EIF5: variants seen among roughly 807,000 people sequenced by gnomAD.
EIF5 encodes the protein eukaryotic translation initiation factor 5.
A neutral mutation model predicts 48.3 loss-of-function variants in EIF5; 10 were observed. The ratio of observed to expected loss-of-function variants is 0.21; its 90% confidence interval spans 0.13 to 0.35. The LOEUF (loss-of-function observed/expected upper bound fraction) is 0.35. EIF5 is among the 10% of genes least tolerant of loss of function. The pLI is 1.00. For missense variants in EIF5, 397 were observed against 533.2 expected, an observed-to-expected ratio of 0.74 and a Z score of 2.51; for synonymous variants, 237 against 173.1, an observed-to-expected ratio of 1.37 and a Z score of -2.90.
Position 103,341,012 on chromosome 14 carries a change from C to CA in EIF5, c.1257dup (p.Asp420ArgfsTer5). On this transcript the variant is annotated frameshift_variant, in exon 12 of 12. Coordinates refer to ENST00000216554, the MANE Select transcript of EIF5 (RefSeq NM_001969.5). LOFTEE classifies it high-confidence loss of function. ...GTACCGAAAGTTGAGACTGTAAAGTCAGACAACAAGGATGACGACATCGAT... is the reference window on the plus strand; with the variant it reads ...GTACCGAAAGTTGAGACTGTAAAGTCAAGACAACAAGGATGACGACATCGAT... 1 of 1,614,138 alleles carries CA rather than the reference C, an allele frequency of 6.2e-7. No individual in the cohort carries two copies.
At chr14:103,339,409 G>A (rs2089327077) in intron 9 of EIF5, 76 bp downstream of exon 9, 2 of 1,523,320 alleles carry the variant, frequency 1.3e-6, no homozygotes, top group Non-Finnish European at 1.8e-6. Context: ...AACCACTTTT[G>A]CTTGTCCTGT....
chr14:103,338,260 G>A (rs1361446750), intron 6 of EIF5, 67 bp from the exon 7 acceptor site: 22 of 1,573,226 alleles, frequency 1.4e-5, no homozygotes, highest in South Asian at 3.6e-5. Context: ...GGTTTTAAAC[G>A]TTAATGATGG....
intron 7 of EIF5, 34 bp from the exon 8 acceptor site, chr14:103,338,691 TGTTTTTAAGG>T (rs751664078): frequency 6.3e-7 from 1 of 1,588,216 alleles, no homozygotes; most frequent in Non-Finnish European, 8.6e-7. Flanking sequence ...TTTTTGTTGT[TGTTTTTAAGG>T]CCTTTGATCA....
rs1424164815 is a variant in EIF5 at position 103,334,503 on chromosome 14, C to CCGA, written c.-302_-301insGAC. The CCGA allele has an allele frequency of 1.4e-5, 2 of 144,106 alleles. No individual in the cohort carries two copies. The highest frequency in any genetic ancestry group is 5.1e-5 in the African/African-American group (2 of 39,212). The allele number at this position is 144,106 out of a possible 1,614,324, so 8.9% of individuals were successfully genotyped here. A position where few individuals can be genotyped will look rare whatever the true frequency, so the allele number is the denominator to read the frequency against. On this transcript the variant is annotated 5_prime_UTR_variant, in exon 2 of 12. Coordinates refer to ENST00000216554, the MANE Select transcript of EIF5 (RefSeq NM_001969.5). ...CGCTCCTCGCTGCGCTTCGCCTCCG[C>CCGA]CTCCTCGGACTCGGACTCGGGTTTA...
chr14:103,340,148 G>A (rs2089336190), intron 10 of EIF5, among the ~76,000 whole-genome samples: 1 of 152,184 alleles, frequency 6.6e-6, no homozygotes, highest in Admixed American at 6.5e-5. Context: ...CCTGCGCCCA[G>A]CCGTTCACAA....
intron 4 of EIF5, chr14:103,336,392 C>T (rs1353785418): frequency 3.5e-6 from 2 of 564,242 alleles, no homozygotes; most frequent in East Asian, 6.1e-5. Flanking sequence ...ACCAGCCTAG[C>T]CAACATAGTG....
intron 4 of EIF5, 41 bp from the exon 5 acceptor site, chr14:103,336,636 A>C (rs1221383580): frequency 3.9e-6 from 6 of 1,557,146 alleles, no homozygotes; most frequent in Non-Finnish European, 5.2e-6. Flanking sequence ...CCAGAGATCT[A>C]GTTAACTGTA....
At position 103,335,844 on chromosome 14, in the gene EIF5, G is replaced by A. The variant is rs1191314563; in HGVS notation, c.-17G>A. On this transcript the variant is annotated 5_prime_UTR_variant, in exon 3 of 12. Coordinates refer to ENST00000216554, the MANE Select transcript of EIF5 (RefSeq NM_001969.5). ...AAGATCTCTTCATCTTATTGATAAA[G>A]CCACTAATAAGCCAAAATGTCTGTC... 3.7e-6 allele frequency: 6 copies of A among 1,611,930 alleles called. No homozygotes were observed. Among genetic ancestry groups the A allele is most frequent in the Admixed American group, 3.3e-5 (2 of 59,894 alleles).
In EIF5 at chr14:103,341,121, A is replaced by G. The variant is rs1193656202; in HGVS notation, c.*69A>G. On this transcript the variant is annotated 3_prime_UTR_variant, in exon 12 of 12. Transcript: ENST00000216554. ...TTCCTCCATTATCAGCCAGAAGTGC[A>G]ACATGTATGTGCAAAAGCTAAAATG... The G allele has an allele frequency of 2.1e-6, 3 of 1,427,538 alleles. No homozygotes were observed. The highest frequency in any genetic ancestry group is 3.0e-6 in the Non-Finnish European group (3 of 1,013,182). 88.4% of individuals were successfully genotyped at this position (1,427,538 alleles called of 1,614,324 possible). A position where few individuals can be genotyped will look rare whatever the true frequency, so the allele number is the denominator to read the frequency against.
rs968918047 is a variant in EIF5 at position 103,337,098 on chromosome 14, T to G, written c.328-18T>G. 13 of 1,598,826 alleles carry G rather than the reference T, an allele frequency of 8.1e-6. No homozygotes were observed. Among genetic ancestry groups the G allele is most frequent in the Non-Finnish European group, 1.1e-5 (13 of 1,171,022 alleles). On this transcript the variant is annotated intron_variant, in intron 5 of 11. Transcript: ENST00000216554. The stretch of plus-strand genomic sequence containing the variant: ...TTTCATGTTATATTATGGATAACAT[T>G]TGTTATTTTTTTGGCAGCATGTCAA...
Position 103,340,562 on chromosome 14 carries a change from G to A in EIF5, c.1206+1G>A. 6.2e-7 allele frequency: 1 copy of A among 1,609,324 alleles called. No homozygotes were observed. On this transcript the variant is annotated splice_donor_variant, in intron 11 of 11. Transcript: ENST00000216554. LOFTEE classifies it high-confidence loss of function. ...AGAAGATGAAGATGAGAACATTGAG[G>A]TAAACATTGGGGGAGGAGGGTATTG...
intron 3 of EIF5, 24 bp downstream of exon 3, chr14:103,335,956 G>A (rs772130582): frequency 8.7e-6 from 14 of 1,614,066 alleles, no homozygotes; most frequent in Non-Finnish European, 1.2e-5. Flanking sequence ...CTTCAATTTA[G>A]TTGATAGCTC....
At position 103,337,722 on chromosome 14, in the gene EIF5, A is replaced by G. The variant is rs574132129; in HGVS notation, c.439+495A>G. ...AATAGGCTGCCAATTAAACTGTGCC[A>G]TATCAATTAAGACATTATCTGAGGG... On this transcript the variant is annotated intron_variant, in intron 6 of 11. Coordinates refer to ENST00000216554, the MANE Select transcript of EIF5 (RefSeq NM_001969.5). 8.7e-5 allele frequency: 36 copies of G among 413,852 alleles called. 1 individual carries two copies. The East Asian group carries it at 1.0e-3, about 12-fold the overall frequency. The allele number at this position is 413,852 out of a possible 1,614,324, so 25.6% of individuals were successfully genotyped here.
At chr14:103,338,680 C>G in intron 7 of EIF5, 55 bp from the exon 8 acceptor site, 2 of 1,580,936 alleles carry the variant, frequency 1.3e-6, no homozygotes, top group East Asian at 2.2e-5. Flanking sequence ...AAATCTGAAC[C>G]TTTTTGTTGT....
At position 103,340,429 on chromosome 14, in the gene EIF5, C is replaced by T. The variant is rs539987177; in HGVS notation, c.1074C>T (p.Ala358=). 9 of 1,598,362 alleles carry T rather than the reference C, an allele frequency of 5.6e-6. No homozygotes were observed. The African/African-American group carries it at 9.4e-5, about 17-fold the overall frequency. The change falls in exon 11 of 12, where the codon GCC becomes GCT. Residue 358 remains alanine (A), a splice_region_variant and synonymous_variant. Transcript: ENST00000216554. ...AGACTTGTACTCACATTTTTTAGGCCTCTAAGAAATATGTCTCCAAAGAAC... is the reference window on the plus strand; with the variant it reads ...AGACTTGTACTCACATTTTTTAGGCTTCTAAGAAATATGTCTCCAAAGAAC... ...EEVIISWSEK[A]SKKYVSKELA...
At chr14:103,338,108 C>G in intron 6 of EIF5, 2 of 689,510 alleles carry the variant, frequency 2.9e-6, no homozygotes. Flanking sequence ...TTACAATACC[C>G]CTAATATTTT....
At chr14:103,338,302 T>C (rs1566721653) in intron 6 of EIF5, 25 bp from the exon 7 acceptor site, 1 of 1,607,262 alleles carries the variant, frequency 6.2e-7, no homozygotes, top group Non-Finnish European at 8.5e-7. Flanking sequence ...TGGGGTTAAA[T>C]TTTTATTTCC....
chr14:103,337,405 G>A (rs1445647148), intron 6 of EIF5, 178 bp downstream of exon 6: 1 of 572,420 alleles, frequency 1.7e-6, no homozygotes, highest in Non-Finnish European at 3.0e-6. Context: ...AGGAGTTCAA[G>A]ACCAGCCTGG....
At position 103,336,105 on chromosome 14, in the gene EIF5, C is replaced by G; in HGVS notation, c.142C>G (p.Arg48Gly). The change falls in exon 4 of 12, where the codon CGG becomes GGG. Residue 48 changes from arginine to glycine, a missense_variant. Transcript: ENST00000216554. ...GGTTGACGTTGCAAAGGCGCTTAAT[C>G]GGCCTCCAACGTGTAAGTAAAGCTT... The part of the protein sequence containing the change: ...NMVDVAKALN[R>G]PPTYPTKYFG... 1 of 1,614,032 alleles carries G rather than the reference C, an allele frequency of 6.2e-7. No individual in the cohort carries two copies.
Sources: gnomAD v4.1 joint callset for allele counts (sites outside exome capture counted in the v4.1 genomes callset) on GRCh38, gnomAD v4.1.1 for gene constraint, MANE v1.5 for transcripts, NCBI Gene and HGNC (gene_info 2026-07-23, HGNC 2026-07-21) for gene names.